Variants in ALG6 observed in about 807,000 individuals in gnomAD.
ALG6 encodes ALG6 alpha-1,3-glucosyltransferase.
ALG6 carries 46 observed loss-of-function variants against 66.6 expected under a neutral mutation model. The ratio of observed to expected loss-of-function variants is 0.69; its 90% CI spans 0.55 to 0.88. ALG6 has a LOEUF of 0.88. Among genes scored for constraint, ALG6 ranks in the 40% least tolerant of loss-of-function variants. The pLI is 0.00. For missense variants in ALG6, 505 were observed against 586.8 expected, an observed-to-expected ratio of 0.86 and a Z score of 1.44; for synonymous variants, 185 against 203.7, an observed-to-expected ratio of 0.91 and a Z score of 0.78.
chr1:63,373,786 A>G (rs1332461438), intron 2 of ALG6, among the ~76,000 whole-genome samples: 1 of 148,640 alleles, frequency 6.7e-6, no homozygotes, highest in African/African-American at 2.5e-5. Context: ...TTGTCTGGCT[A>G]ATTGTTTTGA....
chr1:63,381,282 G>A (rs560084554), intron 2 of ALG6, among the ~76,000 whole-genome samples: 109 of 152,212 alleles, frequency 7.2e-4, no homozygotes, highest in Admixed American at 2.5e-3. Flanking sequence ...GTGAAACCCC[G>A]TCTCTACTAA....
chr1:63,415,422 T>C (rs576147761), intron 10 of ALG6, among the ~76,000 whole-genome samples: 5 of 152,176 alleles, frequency 3.3e-5, no homozygotes, highest in African/African-American at 9.6e-5. Flanking sequence ...TACCATGGGC[T>C]TGAAAATCAG....
chr1:63,371,987 T>C (rs916377127), intron 2 of ALG6, among the ~76,000 whole-genome samples: 10 of 152,254 alleles, frequency 6.6e-5, no homozygotes, highest in African/African-American at 2.2e-4. Flanking sequence ...ACAGAGTTAA[T>C]AGAGAGGTAA....
rs1405504486 is a variant in ALG6, at chr1:63,433,281, A to T, written c.1327-3542A>T. ...ATTTATATTTTTGAGTACTACATAG[A>T]GGATTGCCCAAAGTACCCAGATAAC... On this transcript the variant is annotated intron_variant, in intron 14 of 14. Transcript: ENST00000263440. This position sits in a 1 kb window ranked among gnomAD's most constrained non-coding sequence, Gnocchi z 4.2. Among the ~76,000 whole-genome samples the T allele has an allele frequency of 6.6e-6, 1 of 152,230 alleles. No homozygotes were observed. The highest frequency in any genetic ancestry group is 1.5e-5 in the Non-Finnish European group (1 of 68,042).
intron 1 of ALG6, 23 bp from the exon 2 acceptor site, chr1:63,370,748 G>A: frequency 1.8e-6 from 1 of 549,464 alleles, no homozygotes; most frequent in South Asian, 2.0e-5. Context: ...GCTGAATCTT[G>A]ATATCTTTTT....
At chr1:63,383,817 C>T (rs1267122080) in intron 2 of ALG6, among the ~76,000 whole-genome samples, 1 of 152,036 alleles carries the variant, frequency 6.6e-6, no homozygotes, top group Non-Finnish European at 1.5e-5. Flanking sequence ...CTTCCCTACC[C>T]CACCCACTCT....
At chr1:63,377,816 C>A (rs181521809) in intron 2 of ALG6, among the ~76,000 whole-genome samples, 8 of 152,200 alleles carry the variant, frequency 5.3e-5, no homozygotes, top group Admixed American at 3.3e-4. Context: ...TCATTGCAGC[C>A]TTGACTTCCT....
At chr1:63,373,254 G>T (rs977563708) in intron 2 of ALG6, among the ~76,000 whole-genome samples, 1 of 151,478 alleles carries the variant, frequency 6.6e-6, no homozygotes, top group Non-Finnish European at 1.5e-5. Context: ...TGATCTGCCT[G>T]CCCCAGCCTC....
chr1:63,424,386 G>T (rs1445370712), intron 12 of ALG6, among the ~76,000 whole-genome samples: 1 of 152,080 alleles, frequency 6.6e-6, no homozygotes, highest in East Asian at 1.9e-4. Context: ...TGATCCACCC[G>T]CCTCGGCCTC....
chr1:63,431,147 G>A (rs1268420707), intron 14 of ALG6, among the ~76,000 whole-genome samples: 2 of 152,148 alleles, frequency 1.3e-5, no homozygotes, highest in South Asian at 2.1e-4. Flanking sequence ...GTTCTTAAAT[G>A]TAAGGGTTTA....
At chr1:63,418,548 T>C (rs924316801) in intron 11 of ALG6, among the ~76,000 whole-genome samples, 2 of 152,056 alleles carry the variant, frequency 1.3e-5, no homozygotes, top group African/African-American at 4.8e-5. Flanking sequence ...CCAGATCTTG[T>C]AGGCATTGGG....
At chr1:63,404,888 AG>A (rs1034389642) in intron 5 of ALG6, among the ~76,000 whole-genome samples, 1 of 152,134 alleles carries the variant, frequency 6.6e-6, no homozygotes, top group African/African-American at 2.4e-5. Flanking sequence ...TTAGTTTTTT[AG>A]GGTGCTGCTT....
chr1:63,369,119 A>T (rs1647825827), intron 1 of ALG6, among the ~76,000 whole-genome samples: 1 of 152,180 alleles, frequency 6.6e-6, no homozygotes, highest in Non-Finnish European at 1.5e-5. Flanking sequence ...TGTGTGTGAG[A>T]TTGCACCATG....
At chr1:63,394,545 A>G (rs1475297518) in intron 2 of ALG6, among the ~76,000 whole-genome samples, 1 of 151,834 alleles carries the variant, frequency 6.6e-6, no homozygotes, top group African/African-American at 2.4e-5. Flanking sequence ...AATTTTTTGT[A>G]TTTTTAGTAG....
At chr1:63,385,184 CTTTTTTTTTTTTTTTTT>C (rs1165046824) in intron 2 of ALG6, among the ~76,000 whole-genome samples, 3 of 58,954 alleles carry the variant, frequency 5.1e-5, no homozygotes, top group African/African-American at 2.0e-4. Context: ...TTTACTTCTT[CTTTTTTTTTTTTTTTTT>C]TTTTTTTTTT....
At chr1:63,424,679 C>T (rs1644605755) in intron 12 of ALG6, among the ~76,000 whole-genome samples, 1 of 151,822 alleles carries the variant, frequency 6.6e-6, no homozygotes, top group Non-Finnish European at 1.5e-5. Flanking sequence ...GAAACCAGTG[C>T]CAAACTCAAG....
chr1:63,428,675 A>G, intron 12 of ALG6, 58 bp from the exon 13 acceptor site: 2 of 1,228,994 alleles, frequency 1.6e-6, no homozygotes, highest in Non-Finnish European at 2.3e-6. Context: ...ATTTTTTACA[A>G]TTAGGAGTTG....
chr1:63,427,499 A>G (rs1035463025), intron 12 of ALG6, among the ~76,000 whole-genome samples: 1 of 152,196 alleles, frequency 6.6e-6, no homozygotes, highest in Non-Finnish European at 1.5e-5. Flanking sequence ...TCATTAGGAA[A>G]GTTTATTGTA....
chr1:63,369,318 G>A (rs1408836539), intron 1 of ALG6, among the ~76,000 whole-genome samples: 2 of 152,148 alleles, frequency 1.3e-5, no homozygotes, highest in African/African-American at 4.8e-5. Flanking sequence ...ATCCCGTGAT[G>A]TTTTTATTTT....
Sources: gnomAD v4.1 joint callset for allele counts (sites outside exome capture counted in the v4.1 genomes callset) on GRCh38, gnomAD v4.1.1 for gene constraint, Gnocchi (gnomAD v3.1) non-coding constraint, MANE v1.5 for transcripts, NCBI Gene and HGNC (gene_info 2026-07-23, HGNC 2026-07-21) for gene names.